ICA1: variants seen among roughly 807,000 people sequenced by gnomAD.
ICA1 encodes 69 kDa islet cell autoantigen.
A neutral mutation model predicts 71.0 loss-of-function variants in ICA1; 40 were observed. That is an observed-to-expected ratio of 0.56 (90% CI 0.44 to 0.73). The LOEUF (loss-of-function observed/expected upper bound fraction) is 0.73. Ranked by LOEUF, ICA1 falls within the 30% of genes least tolerant of loss-of-function variation. The pLI is 0.00. For synonymous variants in ICA1, 207 were observed against 209.5 expected (o/e 0.99, Z 0.10); for missense variants, 578 against 576.5 (o/e 1.00, Z -0.03).
intron 1 of ICA1, among the ~76,000 whole-genome samples, chr7:8,242,162 G>T (rs1804170454): frequency 6.6e-6 from 1 of 151,998 alleles, no homozygotes; most frequent in Non-Finnish European, 1.5e-5. Flanking sequence ...ACACATAACT[G>T]GAAAAAAGCA....
chr7:8,114,405 G>C (rs1765979458), intron 13 of ICA1, among the ~76,000 whole-genome samples: 1 of 152,220 alleles, frequency 6.6e-6, no homozygotes, highest in African/African-American at 2.4e-5. Flanking sequence ...CTGAATGGCT[G>C]AGGAAGCAAG....
intron 6 of ICA1, among the ~76,000 whole-genome samples, chr7:8,167,329 T>A (rs1806387206): frequency 1.3e-5 from 2 of 152,166 alleles, no homozygotes; most frequent in African/African-American, 4.8e-5. Context: ...TGCAGCAACA[T>A]GGATGCAGAT....
intron 1 of ICA1, among the ~76,000 whole-genome samples, chr7:8,237,117 T>G (rs1385215932): frequency 6.6e-6 from 1 of 152,208 alleles, no homozygotes; most frequent in Non-Finnish European, 1.5e-5. Flanking sequence ...GTCAGATGCC[T>G]CTGATATGAC....
intron 6 of ICA1, among the ~76,000 whole-genome samples, chr7:8,182,532 G>A (rs142596238): frequency 0.012 from 1,822 of 152,286 alleles, 11 homozygotes; most frequent in Middle Eastern, 0.017. Context: ...CCATTGGGAT[G>A]TTCCAAAGTG....
At chr7:8,158,946 A>G (rs1200649891) in intron 6 of ICA1, among the ~76,000 whole-genome samples, 1 of 152,236 alleles carries the variant, frequency 6.6e-6, no homozygotes, top group Non-Finnish European at 1.5e-5. Flanking sequence ...GGTTGGGAGA[A>G]GACTGGAGAC....
At chr7:8,185,968 C>A (rs954453415) in intron 6 of ICA1, among the ~76,000 whole-genome samples, 1 of 152,046 alleles carries the variant, frequency 6.6e-6, no homozygotes, top group African/African-American at 2.4e-5. Flanking sequence ...CTTCAAGGGT[C>A]GTATTCTGAA....
intron 6 of ICA1, among the ~76,000 whole-genome samples, chr7:8,174,821 G>A (rs2058518): frequency 0.71 from 106,143 of 149,700 alleles, 37,941 homozygotes; most frequent in East Asian, 0.9. Context: ...TCTTTAATGC[G>A]GGAAACACAA....
chr7:8,169,332 A>G (rs923546192), intron 6 of ICA1, among the ~76,000 whole-genome samples: 2 of 152,140 alleles, frequency 1.3e-5, no homozygotes, highest in African/African-American at 4.8e-5. Flanking sequence ...TATTTGAGCA[A>G]AAGTCTTTGT....
chr7:8,185,620 G>T (rs974495992), intron 6 of ICA1, among the ~76,000 whole-genome samples: 11 of 152,210 alleles, frequency 7.2e-5, no homozygotes, highest in Non-Finnish European at 1.2e-4. Context: ...AGAACCATCT[G>T]CCTGGAGTGA....
At chr7:8,185,719 G>A (rs1391217622) in intron 6 of ICA1, among the ~76,000 whole-genome samples, 1 of 152,246 alleles carries the variant, frequency 6.6e-6, no homozygotes, top group Non-Finnish European at 1.5e-5. Context: ...CTAGAACAAG[G>A]TCATTTGATC....
rs1017604547 is a variant in ICA1, at chr7:8,133,165, C to T, written c.1061-5023G>A. On this transcript the variant is annotated intron_variant, in intron 12 of 13. Coordinates refer to ENST00000402384, the MANE Select transcript of ICA1 (RefSeq NM_001136020.3). ...GAACAGAGACCTGAGGGAGCACATT[C>T]GGCCCCCTCACTATGTGATGCCCTA... Among the ~76,000 whole-genome samples, 18 of 152,272 alleles carry T rather than the reference C, an allele frequency of 1.2e-4. No individual in the cohort carries two copies. In the South Asian group the frequency reaches 2.1e-3, roughly 18 times the overall value.
chr7:8,152,796 T>TCCA (rs79753788), intron 8 of ICA1, among the ~76,000 whole-genome samples: 1,577 of 49,414 alleles, frequency 0.032, 26 homozygotes, highest in East Asian at 0.054. Context: ...CACCATCACC[T>TCCA]CCACCACCAC....
At chr7:8,145,018 C>G (rs977935979) in intron 8 of ICA1, among the ~76,000 whole-genome samples, 1 of 152,070 alleles carries the variant, frequency 6.6e-6, no homozygotes, top group African/African-American at 2.4e-5. Flanking sequence ...GCAGAGCAGA[C>G]CTGTGATTGA....
chr7:8,147,691 C>T (rs1417660531), intron 8 of ICA1, among the ~76,000 whole-genome samples: 3 of 5,176 alleles, frequency 5.8e-4, no homozygotes, highest in African/African-American at 7.8e-4. Context: ...AAGGGGAACA[C>T]ACACACACAC....
In ICA1 at chr7:8,223,117, T is replaced by C. The variant is rs1315254095; in HGVS notation, c.257-1719A>G. On this transcript the variant is annotated intron_variant, in intron 4 of 13. Coordinates refer to ENST00000402384, the MANE Select transcript of ICA1 (RefSeq NM_001136020.3). This position sits in a 1 kb window ranked among gnomAD's most constrained non-coding sequence, Gnocchi z 4.1. ...TATAATTATAAGAAGGTTTTTTGTT[T>C]TTTAATACATTCCATTCCTTCTCCT... Among the ~76,000 whole-genome samples the C allele has an allele frequency of 6.6e-6, 1 of 152,224 alleles. No homozygotes were observed. Among genetic ancestry groups the C allele is most frequent in the East Asian group, 1.9e-4 (1 of 5,206 alleles).
At position 8,144,089 on chromosome 7, in the gene ICA1, C is replaced by A. The variant is rs1796123355; in HGVS notation, c.805-117G>T. On this transcript the variant is annotated intron_variant, in intron 8 of 13. Coordinates refer to ENST00000402384, the MANE Select transcript of ICA1 (RefSeq NM_001136020.3). This position sits in a 1 kb window ranked among gnomAD's most constrained non-coding sequence, Gnocchi z 4.5. The stretch of plus-strand genomic sequence containing the variant: ...TTCAACTGCCATTTGTCCCAGCAAC[C>A]AAACTTTGAATTACAGGTATTGGGA... 1.5e-6 allele frequency: 1 copy of A among 646,454 alleles called. No individual in the cohort carries two copies. Among genetic ancestry groups the A allele is most frequent in the Non-Finnish European group, 2.7e-6 (1 of 375,826 alleles). The allele number at this position is 646,454 out of a possible 1,614,324, so 40.0% of individuals were successfully genotyped here.
At chr7:8,233,455 G>A (rs7802192) in intron 2 of ICA1, among the ~76,000 whole-genome samples, 58,025 of 150,150 alleles carry the variant, frequency 0.39, 11,438 homozygotes, top group African/African-American at 0.44. Context: ...GTGCAGTGGC[G>A]TGATCTCAGC....
At chr7:8,192,971 A>G (rs1267720959) in intron 6 of ICA1, among the ~76,000 whole-genome samples, 3 of 152,232 alleles carry the variant, frequency 2.0e-5, no homozygotes, top group Non-Finnish European at 2.9e-5. Context: ...GCTCTATTCT[A>G]CTTTACCTGC....
intron 1 of ICA1, among the ~76,000 whole-genome samples, chr7:8,259,578 T>G (rs886856435): frequency 4.6e-5 from 7 of 152,254 alleles, no homozygotes; most frequent in African/African-American, 1.2e-4. Context: ...GAGTCCTATT[T>G]AAAAGCGTGC....
Sources: gnomAD v4.1 joint callset for allele counts (sites outside exome capture counted in the v4.1 genomes callset) on GRCh38, gnomAD v4.1.1 for gene constraint, Gnocchi (gnomAD v3.1) non-coding constraint, MANE v1.5 for transcripts, NCBI Gene and HGNC (gene_info 2026-07-23, HGNC 2026-07-21) for gene names.